MGAT5: variants seen among roughly 807,000 people sequenced by gnomAD.
The protein encoded by MGAT5 is alpha-1,6-mannosylglycoprotein 6-beta-N-acetylglucosaminyltransferase.
In MGAT5, 30 loss-of-function variants were observed where a neutral mutation model predicts 94.3. That is an observed-to-expected ratio of 0.32 (90% CI 0.24 to 0.43). The LOEUF is 0.43. MGAT5 is among the 20% of genes least tolerant of loss of function. The pLI is 1.00. For missense variants in MGAT5, 691 were observed against 905.5 expected, an observed-to-expected ratio of 0.76 and a Z score of 3.04; for synonymous variants, 310 against 322.9, an observed-to-expected ratio of 0.96 and a Z score of 0.43.
intron 4 of MGAT5, 79 bp downstream of exon 4, chr2:134,318,818 C>A: frequency 1.0e-6 from 1 of 999,794 alleles, no homozygotes; most frequent in Non-Finnish European, 1.6e-6. Context: ...ATTTGAAAAG[C>A]TTGAAAACGT....
At chr2:134,391,198 TGAG>T (rs1480669894) in intron 10 of MGAT5, among the ~76,000 whole-genome samples, 1 of 151,926 alleles carries the variant, frequency 6.6e-6, no homozygotes, top group Non-Finnish European at 1.5e-5. Context: ...CTGAGAGAGT[TGAG>T]GAGGTAGGTG....
At chr2:134,356,031 G>A (rs1034453558) in intron 9 of MGAT5, among the ~76,000 whole-genome samples, 3 of 152,102 alleles carry the variant, frequency 2.0e-5, no homozygotes, top group Non-Finnish European at 2.9e-5. Flanking sequence ...AACTATGTTT[G>A]TATAGTTTTA....
chr2:134,192,730 A>C (rs1679291450), intron 1 of MGAT5, among the ~76,000 whole-genome samples: 1 of 152,002 alleles, frequency 6.6e-6, no homozygotes, highest in Admixed American at 6.5e-5. Context: ...TTAAATGCCT[A>C]GTACTGTGGG....
At chr2:134,409,742 T>G (rs1301124334) in intron 11 of MGAT5, among the ~76,000 whole-genome samples, 2 of 152,252 alleles carry the variant, frequency 1.3e-5, no homozygotes, top group African/African-American at 2.4e-5. Flanking sequence ...AGTACTCCAC[T>G]TAGCAGTTTA....
At position 134,172,954 on chromosome 2, in the gene MGAT5, A is replaced by G. The variant is rs1283373667; in HGVS notation, c.-143+52663A>G. On this transcript the variant is annotated intron_variant, in intron 1 of 16. Transcript: ENST00000409645. ...ATCACAGGAGGAAAAACACCCCAGCATCCCACAACTAGATGAATGTCTTGA... is the reference window on the plus strand; with the variant it reads ...ATCACAGGAGGAAAAACACCCCAGCGTCCCACAACTAGATGAATGTCTTGA... 3.9e-5 allele frequency among the ~76,000 whole-genome samples: 6 copies of G among 152,350 alleles called. No individual in the cohort carries two copies. In the East Asian group the frequency reaches 9.6e-4, roughly 24 times the overall value.
chr2:134,371,989 G>A (rs1259646271), intron 10 of MGAT5, among the ~76,000 whole-genome samples: 2 of 151,844 alleles, frequency 1.3e-5, no homozygotes, highest in East Asian at 1.9e-4. Flanking sequence ...TGCCAGCTGG[G>A]AACTTGTTCA....
chr2:134,203,728 TA>T (rs1679905663), intron 1 of MGAT5, among the ~76,000 whole-genome samples: 1 of 152,132 alleles, frequency 6.6e-6, no homozygotes, highest in African/African-American at 2.4e-5. Context: ...CCATTTAAAA[TA>T]AAAAATTATA....
chr2:134,300,049 T>G (rs1685925146), intron 2 of MGAT5, among the ~76,000 whole-genome samples: 1 of 152,222 alleles, frequency 6.6e-6, no homozygotes. Context: ...ATTTCTATGT[T>G]CTAGTGAGCA....
At chr2:134,197,632 T>C (rs1387269603) in intron 1 of MGAT5, among the ~76,000 whole-genome samples, 1 of 152,192 alleles carries the variant, frequency 6.6e-6, no homozygotes, top group African/African-American at 2.4e-5. Context: ...TCATGTTCCA[T>C]GTAGGACGGA....
At chr2:134,145,735 C>T (rs1333803846) in intron 1 of MGAT5, among the ~76,000 whole-genome samples, 1 of 151,972 alleles carries the variant, frequency 6.6e-6, no homozygotes, top group Non-Finnish European at 1.5e-5. Flanking sequence ...CTCTGATTTC[C>T]AGTTTTATTT....
intron 2 of MGAT5, among the ~76,000 whole-genome samples, chr2:134,300,590 A>G (rs774951818): frequency 2.0e-4 from 31 of 152,174 alleles, no homozygotes; most frequent in Non-Finnish European, 4.3e-4. Context: ...TTTGTACTTA[A>G]GTCCAAGATT....
At chr2:134,141,452 A>G (rs1686652171) in intron 1 of MGAT5, among the ~76,000 whole-genome samples, 1 of 130,326 alleles carries the variant, frequency 7.7e-6, no homozygotes, top group African/African-American at 2.9e-5. Context: ...GAATAGATAG[A>G]TGGATAGTTG....
chr2:134,287,761 C>T (rs1359842982), intron 2 of MGAT5, among the ~76,000 whole-genome samples: 1 of 152,124 alleles, frequency 6.6e-6, no homozygotes, highest in Non-Finnish European at 1.5e-5. Context: ...CTTTTTTGTT[C>T]AATCTCTCTA....
intron 1 of MGAT5, among the ~76,000 whole-genome samples, chr2:134,124,977 T>A (rs1229735026): frequency 6.6e-6 from 1 of 152,172 alleles, no homozygotes; most frequent in African/African-American, 2.4e-5. Flanking sequence ...AAATTATTAT[T>A]ATAAATATCC....
intron 1 of MGAT5, among the ~76,000 whole-genome samples, chr2:134,212,830 G>A (rs1680272061): frequency 6.6e-6 from 1 of 152,134 alleles, no homozygotes; most frequent in Non-Finnish European, 1.5e-5. Flanking sequence ...TTCAGTTCCA[G>A]TGTATCCAAC....
chr2:134,333,794 C>T (rs975905951), intron 4 of MGAT5, among the ~76,000 whole-genome samples: 1 of 152,068 alleles, frequency 6.6e-6, no homozygotes, highest in Admixed American at 6.6e-5. Flanking sequence ...AAATGTTGCT[C>T]ATTTGAGAGC....
chr2:134,235,755 TAG>T (rs1177350923), intron 1 of MGAT5, among the ~76,000 whole-genome samples: 1 of 151,374 alleles, frequency 6.6e-6, no homozygotes, highest in Admixed American at 6.6e-5. Context: ...GGAGTGATTA[TAG>T]AAGTATTTTT....
intron 4 of MGAT5, among the ~76,000 whole-genome samples, chr2:134,322,679 G>A (rs1459471994): frequency 1.3e-5 from 2 of 152,122 alleles, no homozygotes; most frequent in African/African-American, 4.8e-5. Flanking sequence ...CTGTGGCTTT[G>A]TAGGAGCTGT....
intron 2 of MGAT5, among the ~76,000 whole-genome samples, chr2:134,298,058 G>A (rs944205663): frequency 6.6e-6 from 1 of 152,008 alleles, no homozygotes; most frequent in African/African-American, 2.4e-5. Context: ...TTGGGTTAAT[G>A]TTGAATTATT....
Sources: allele counts gnomAD v4.1 joint callset (sites outside exome capture counted in the v4.1 genomes callset), GRCh38; gene constraint gnomAD v4.1.1; transcripts MANE v1.5; gene names NCBI Gene and HGNC (gene_info 2026-07-23, HGNC 2026-07-21).